The following MAP3K4 variants were observed in gnomAD, a reference collection of about 807,000 sequenced individuals.
MAP3K4 encodes mitogen-activated protein kinase kinase kinase 4, also known as MAP three kinase 1.
A neutral mutation model predicts 185.6 loss-of-function variants in MAP3K4; 67 were observed. The ratio of observed to expected loss-of-function variants is 0.36; its 90% CI spans 0.30 to 0.44. The LOEUF is 0.44. Ranked by LOEUF, MAP3K4 falls within the 20% of genes least tolerant of loss-of-function variation. The pLI, the probability that MAP3K4 is intolerant of heterozygous loss-of-function variation, is 1.00. For missense variants in MAP3K4, 1,551 were observed against 1,995.1 expected (o/e 0.78, Z 4.24); for synonymous variants, 702 against 710.4 (o/e 0.99, Z 0.19).
rs1427240818 is a variant in MAP3K4 at position 161,070,717 on chromosome 6, C to G, written c.1817C>G (p.Ala606Gly). 6.2e-7 allele frequency: 1 copy of G among 1,613,958 alleles called. No individual in the cohort carries two copies. The highest frequency in any genetic ancestry group is 1.7e-5 in the Admixed American group (1 of 59,998). Residue 606 changes from alanine (A) to glycine (G), a missense_variant, in exon 4 of 27, where the codon GCC becomes GGC. Transcript: ENST00000392142. This position sits in a 1 kb window ranked among gnomAD's most constrained non-coding sequence, Gnocchi z 4.5. ...CSAVSWEELKAMDLPSFEPAF... is the reference protein window; with the variant it reads ...CSAVSWEELKGMDLPSFEPAF... ...GCTGTGTCGTGGGAGGAGCTGAAGG[C>G]CATGGATTTACCTTCATTCGAACCT...
intron 2 of MAP3K4, among the ~76,000 whole-genome samples, chr6:161,040,079 A>G (rs1783380449): frequency 6.6e-6 from 1 of 152,158 alleles, no homozygotes; most frequent in Admixed American, 6.6e-5. Context: ...CTGCAAAAGG[A>G]CAGTTCATTT....
At position 161,109,739 on chromosome 6, in the gene MAP3K4, T is replaced by C. The variant is rs1297217384; in HGVS notation, c.4237-16T>C. On this transcript the variant is annotated splice_polypyrimidine_tract_variant and intron_variant, in intron 22 of 26. Coordinates refer to ENST00000392142, the MANE Select transcript of MAP3K4 (RefSeq NM_005922.4). The surrounding 1 kb of genome is among the most constrained non-coding windows in gnomAD (Gnocchi z 5.7). ...GAAAACCGTAAACACAGAGCTGCCCTTTATTCCTCCCACAGGAAGAAATGT... is the reference window on the plus strand; with the variant it reads ...GAAAACCGTAAACACAGAGCTGCCCCTTATTCCTCCCACAGGAAGAAATGT... The C allele has an allele frequency of 6.8e-6, 11 of 1,614,118 alleles. No individual in the cohort carries two copies. In the South Asian group the frequency reaches 1.1e-4, roughly 16 times the overall value.
chr6:161,107,334 A>G lies in MAP3K4; in HGVS notation c.4049-565A>G, dbSNP rs1275315913. 6.6e-6 allele frequency among the ~76,000 whole-genome samples: 1 copy of G among 152,186 alleles called. No homozygotes were observed. The highest frequency in any genetic ancestry group is 1.5e-5 in the Non-Finnish European group (1 of 68,032). On this transcript the variant is annotated intron_variant, in intron 20 of 26. Coordinates refer to ENST00000392142, the MANE Select transcript of MAP3K4 (RefSeq NM_005922.4). The surrounding 1 kb of genome is among the most constrained non-coding windows in gnomAD (Gnocchi z 6.2). ...GACTTTGTCAGCCTGAGGAAACCTG[A>G]TGTTTCCTTGGAGCTATCAAGGAGG...
In MAP3K4 at chr6:161,083,686, C is replaced by A. The variant is rs187628923; in HGVS notation, c.2256-815C>A. ...AATCATATTTATTGTTCTTCCTGGA[C>A]TTTCCTTCCGCCTTTTCCATTTTCT... is the stretch of plus-strand genomic sequence containing the variant. On this transcript the variant is annotated intron_variant, in intron 6 of 26. Transcript: ENST00000392142. Among the ~76,000 whole-genome samples the A allele has an allele frequency of 9.2e-5, 14 of 152,326 alleles. No individual in the cohort carries two copies. The East Asian group carries it at 1.9e-3, about 21-fold the overall frequency.
intron 1 of MAP3K4, among the ~76,000 whole-genome samples, chr6:160,993,307 A>G (rs1780827956): frequency 6.6e-6 from 1 of 152,230 alleles, no homozygotes; most frequent in Admixed American, 6.5e-5. Flanking sequence ...AAATTTTGTC[A>G]GAAAGTTTAT....
At chr6:161,092,172 T>A (rs755579489) in intron 13 of MAP3K4, 29 bp downstream of exon 13, 3 of 1,612,718 alleles carry the variant, frequency 1.9e-6, no homozygotes, top group Non-Finnish European at 2.5e-6. Context: ...GTTTCTGAAA[T>A]GTGTCATGTG....
At position 161,074,696 on chromosome 6, in the gene MAP3K4, C is replaced by T. The variant is rs1393892487; in HGVS notation, c.2097+1084C>T. On this transcript the variant is annotated intron_variant, in intron 5 of 26. Coordinates refer to ENST00000392142, the MANE Select transcript of MAP3K4 (RefSeq NM_005922.4). This position sits in a 1 kb window ranked among gnomAD's most constrained non-coding sequence, Gnocchi z 5.0. The stretch of plus-strand genomic sequence containing the variant: ...ATTAGGGTATATGCATAGATGATTA[C>T]GTAATGTGACAGGTTAATGAAATAA... Among the ~76,000 whole-genome samples the T allele has an allele frequency of 2.0e-5, 3 of 152,168 alleles. No homozygotes were observed. Among genetic ancestry groups the T allele is most frequent in the South Asian group, 2.1e-4 (1 of 4,828 alleles).
At chr6:161,023,779 A>G (rs1005456730) in intron 1 of MAP3K4, among the ~76,000 whole-genome samples, 1 of 152,228 alleles carries the variant, frequency 6.6e-6, no homozygotes, top group South Asian at 2.1e-4. Context: ...TACAACCACA[A>G]TTACCAGTGT....
Position 161,048,401 on chromosome 6 carries a change from CA to C in MAP3K4, c.344-212del, listed in dbSNP as rs1380871423. 2 of 616,278 alleles carry C rather than the reference CA, an allele frequency of 3.2e-6. No homozygotes were observed. The highest frequency in any genetic ancestry group is 5.8e-6 in the Non-Finnish European group (2 of 343,700). The allele number at this position is 616,278 out of a possible 1,614,324, so 38.2% of individuals were successfully genotyped here. ...TAGTTGTGAATATAAGAGAATACAG[CA>C]AATACTGGAAAAATGGATAATTTTT... On this transcript the variant is annotated intron_variant, in intron 2 of 26. Transcript: ENST00000392142. This position sits in a 1 kb window ranked among gnomAD's most constrained non-coding sequence, Gnocchi z 4.7.
intron 1 of MAP3K4, chr6:160,992,391 C>G (rs1583072814): frequency 2.3e-6 from 1 of 434,268 alleles, no homozygotes; most frequent in South Asian, 3.8e-5. Flanking sequence ...AGTGCGGCTG[C>G]CTCCCCTGCC....
intron 1 of MAP3K4, among the ~76,000 whole-genome samples, chr6:161,016,725 C>T (rs1782133782): frequency 6.6e-6 from 1 of 152,218 alleles, no homozygotes; most frequent in African/African-American, 2.4e-5. Flanking sequence ...GCCATTATCA[C>T]ACTCTTAATT....
chr6:161,101,722 G>A lies in MAP3K4; in HGVS notation c.3675-170G>A, dbSNP rs1333437057. The A allele has an allele frequency of 1.7e-6, 1 of 589,338 alleles. No individual in the cohort carries two copies. The highest frequency in any genetic ancestry group is 3.0e-5 in the East Asian group (1 of 33,856). 36.5% of individuals were successfully genotyped at this position (589,338 alleles called of 1,614,324 possible). A position where few individuals can be genotyped will look rare whatever the true frequency, so the allele number is the denominator to read the frequency against. ...CCTGTGCGTTTTCCGCTGCCCACTA[G>A]ATGCCAGTAGCACCCTCCCAAAAGT... On this transcript the variant is annotated intron_variant, in intron 17 of 26. Coordinates refer to ENST00000392142, the MANE Select transcript of MAP3K4 (RefSeq NM_005922.4). This position sits in a 1 kb window ranked among gnomAD's most constrained non-coding sequence, Gnocchi z 5.1.
Position 161,034,800 on chromosome 6 carries a change from C to T in MAP3K4, c.343+351C>T, listed in dbSNP as rs901578830. On this transcript the variant is annotated intron_variant, in intron 2 of 26. Coordinates refer to ENST00000392142, the MANE Select transcript of MAP3K4 (RefSeq NM_005922.4). The surrounding 1 kb of genome is among the most constrained non-coding windows in gnomAD (Gnocchi z 4.4). ...TTAGGCTGAAGTTTCTAGATTTCCT[C>T]TGCCCAGAAGTGGTGTATTGGGGAT... Among the ~76,000 whole-genome samples, 1 of 152,134 alleles carries T rather than the reference C, an allele frequency of 6.6e-6. No homozygotes were observed. Among genetic ancestry groups the T allele is most frequent in the Non-Finnish European group, 1.5e-5 (1 of 68,028 alleles).
At chr6:161,050,979 G>A (rs992260382) in intron 3 of MAP3K4, among the ~76,000 whole-genome samples, 9 of 152,188 alleles carry the variant, frequency 5.9e-5, no homozygotes, top group Non-Finnish European at 1.3e-4. Flanking sequence ...AAATGATGCA[G>A]TATTTGCATA....
rs1562530256 is a variant in MAP3K4 at position 161,087,411 on chromosome 6, G to A, written c.2557-277G>A. Among the ~76,000 whole-genome samples the A allele has an allele frequency of 6.6e-6, 1 of 152,154 alleles. No individual in the cohort carries two copies. The highest frequency in any genetic ancestry group is 1.5e-5 in the Non-Finnish European group (1 of 68,036). ...TCAGGCTGCCTTGCCTCCCCGTCGAGTATTTTCTTTGTTGTTGAAAATAAA... is the reference window on the plus strand; with the variant it reads ...TCAGGCTGCCTTGCCTCCCCGTCGAATATTTTCTTTGTTGTTGAAAATAAA... On this transcript the variant is annotated intron_variant, in intron 9 of 26. Coordinates refer to ENST00000392142, the MANE Select transcript of MAP3K4 (RefSeq NM_005922.4). This position sits in a 1 kb window ranked among gnomAD's most constrained non-coding sequence, Gnocchi z 4.9.
Position 161,109,981 on chromosome 6 carries a change from T to G in MAP3K4, c.4396+67T>G. 6.5e-7 allele frequency: 1 copy of G among 1,532,094 alleles called. No individual in the cohort carries two copies. 94.9% of individuals were successfully genotyped at this position (1,532,094 alleles called of 1,614,324 possible). On this transcript the variant is annotated intron_variant, in intron 23 of 26. Transcript: ENST00000392142. This position sits in a 1 kb window ranked among gnomAD's most constrained non-coding sequence, Gnocchi z 5.7. Reference sequence around the variant, plus strand: ...GGTACCCAGCCCGTGGGAGGTGCTCTGAAGACGCTCATCCCATTCCCACAT... The same window carrying G: ...GGTACCCAGCCCGTGGGAGGTGCTCGGAAGACGCTCATCCCATTCCCACAT...
At chr6:160,993,465 T>A (rs1780837477) in intron 1 of MAP3K4, among the ~76,000 whole-genome samples, 1 of 152,360 alleles carries the variant, frequency 6.6e-6, no homozygotes. Flanking sequence ...AGGTAGGTCC[T>A]GTTATACTCT....
At chr6:161,003,004 C>T (rs760893495) in intron 1 of MAP3K4, among the ~76,000 whole-genome samples, 16 of 150,786 alleles carry the variant, frequency 1.1e-4, no homozygotes, top group Non-Finnish European at 1.9e-4. Context: ...AGATGTATAT[C>T]CCATAATTTA....
At chr6:161,045,228 G>A (rs1306702481) in intron 2 of MAP3K4, among the ~76,000 whole-genome samples, 1 of 151,888 alleles carries the variant, frequency 6.6e-6, no homozygotes, top group African/African-American at 2.4e-5. Context: ...TTTTGGGGTG[G>A]GGGGGAACAA....
Sources: gnomAD v4.1 joint callset for allele counts (sites outside exome capture counted in the v4.1 genomes callset) on GRCh38, gnomAD v4.1.1 for gene constraint, Gnocchi (gnomAD v3.1) non-coding constraint, MANE v1.5 for transcripts, NCBI Gene and HGNC (gene_info 2026-07-23, HGNC 2026-07-21) for gene names.